The following OTOGL variants were observed in gnomAD, a reference collection of about 807,000 sequenced individuals.
The protein encoded by OTOGL is otogelin-like protein.
A neutral mutation model predicts 318.5 loss-of-function variants in OTOGL; 285 were observed. The observed-to-expected ratio is 0.89, with a 90% CI of 0.81 to 0.99. The LOEUF is 0.99. Among genes scored for constraint, OTOGL ranks in the 50% least tolerant of loss-of-function variants. OTOGL has a pLI of 0.00. For missense variants in OTOGL, 2,899 were observed against 2,845.6 expected, an observed-to-expected ratio of 1.02 and a Z score of -0.43; for synonymous variants, 987 against 936.5, an observed-to-expected ratio of 1.05 and a Z score of -0.99.
At chr12:80,300,509 CT>C (rs1885689069) in intron 27 of OTOGL, among the ~76,000 whole-genome samples, 1 of 152,128 alleles carries the variant, frequency 6.6e-6, no homozygotes, top group Non-Finnish European at 1.5e-5. Context: ...TCTCATTGAA[CT>C]TCACTGACAA....
chr12:80,360,671 G>A lies in OTOGL; in HGVS notation c.6267+1771G>A, dbSNP rs145693922. Reference sequence around the variant, plus strand: ...TAATTTTTTGTGTTTTAGTAGAGACGGGGTTTCACCATGTTGGCCAGGATG... The same window carrying A: ...TAATTTTTTGTGTTTTAGTAGAGACAGGGTTTCACCATGTTGGCCAGGATG... On this transcript the variant is annotated intron_variant, in intron 52 of 58. Transcript: ENST00000547103. 9.5e-4 allele frequency among the ~76,000 whole-genome samples: 144 copies of A among 151,748 alleles called. 1 individual carries two copies. In the East Asian group the frequency reaches 0.012, roughly 12 times the overall value.
At position 80,151,395 on chromosome 12, in the gene OTOGL, G is replaced by T. The variant is rs538259947; in HGVS notation, c.-20+51790G>T. Among the ~76,000 whole-genome samples, 3 of 152,040 alleles carry T rather than the reference G, an allele frequency of 2.0e-5. No homozygotes were observed. The East Asian group carries it at 5.8e-4, about 29-fold the overall frequency. ...TAAAGTACTTTTCACTCCATTACCT[G>T]CTTCTTTCTTTCTTAGCACTTAAAA... On this transcript the variant is annotated intron_variant, in intron 1 of 58. Coordinates refer to ENST00000547103, the MANE Select transcript of OTOGL (RefSeq NM_001378609.3).
intron 1 of OTOGL, chr12:80,208,301 A>G (rs1592547510): frequency 6.3e-6 from 3 of 478,136 alleles, no homozygotes; most frequent in Non-Finnish European, 1.3e-5. Flanking sequence ...GGACCATGTA[A>G]CATTAGTTAG....
At position 80,108,801 on chromosome 12, in the gene OTOGL, GTATA is replaced by G. The variant is rs201382053; in HGVS notation, c.-20+9204_-20+9207del. On this transcript the variant is annotated intron_variant, in intron 1 of 58. Transcript: ENST00000547103. ...TATATATATATGTATATATATATAT[GTATA>G]TATATATGTGTATATATATGTATAT... 6.1e-5 allele frequency among the ~76,000 whole-genome samples: 8 copies of G among 130,266 alleles called. 1 individual carries two copies. The highest frequency in any genetic ancestry group is 4.7e-4 in the South Asian group (2 of 4,248). The allele number at this position is 130,266 out of a possible 152,430, so 85.5% of individuals were successfully genotyped here. A position where few individuals can be genotyped will look rare whatever the true frequency, so the allele number is the denominator to read the frequency against.
chr12:80,163,532 G>C (rs1054016888), intron 1 of OTOGL, among the ~76,000 whole-genome samples: 1 of 151,664 alleles, frequency 6.6e-6, no homozygotes, highest in Non-Finnish European at 1.5e-5. Flanking sequence ...GAGGCACTTT[G>C]AAATCAGAGT....
rs1890074094 is a variant in OTOGL, at chr12:80,358,871, GA to G, written c.6242del (p.Asn2081ThrfsTer15). 1 of 1,516,688 alleles carries G rather than the reference GA, an allele frequency of 6.6e-7. No homozygotes were observed. The highest frequency in any genetic ancestry group is 8.9e-7 in the Non-Finnish European group (1 of 1,127,310). 94.0% of individuals were successfully genotyped at this position (1,516,688 alleles called of 1,614,324 possible). ...CPTWHCECNC[E>X]NLIMPTCEVG... Reference sequence around the variant, plus strand: ...TTTTTGCCTTTTAGAATGTAACTGTGAAAACCTTATTATGCCAACTTGTGAA... The same window carrying G: ...TTTTTGCCTTTTAGAATGTAACTGTGAAACCTTATTATGCCAACTTGTGAA... On this transcript the variant is annotated frameshift_variant, in exon 52 of 59. Transcript: ENST00000547103. LOFTEE classifies it high-confidence loss of function.
intron 18 of OTOGL, among the ~76,000 whole-genome samples, chr12:80,261,641 G>A (rs1001776079): frequency 6.6e-6 from 1 of 152,034 alleles, no homozygotes; most frequent in Non-Finnish European, 1.5e-5. Context: ...GTGAATCGTG[G>A]CTTTGATACT....
intron 58 of OTOGL, 22 bp downstream of exon 58, chr12:80,377,224 GCTACA>G: frequency 6.4e-7 from 1 of 1,553,818 alleles, no homozygotes; most frequent in Non-Finnish European, 8.8e-7. Flanking sequence ...AATGTCATTT[GCTACA>G]TAAATGCACA....
Position 80,356,850 on chromosome 12 carries a change from C to A in OTOGL, c.5955C>A (p.Cys1985Ter). Residue 1985 changes from cysteine to a stop codon, truncating the protein, a stop_gained, in exon 49 of 59, where the codon TGC (cysteine) becomes TGA (stop). Transcript: ENST00000547103. LOFTEE classifies it high-confidence loss of function. ...LKCPSISTPE[C>*]REDQFMIQVR... is the part of the protein sequence containing the mutation. ...GCCCCAGTATTTCAACACCAGAATG[C>A]AGAGAAGATCAATTCATGATTCAAG... is the stretch of plus-strand genomic sequence containing the variant. The A allele has an allele frequency of 6.3e-7, 1 of 1,597,790 alleles. No individual in the cohort carries two copies. Among genetic ancestry groups the A allele is most frequent in the Non-Finnish European group, 8.5e-7 (1 of 1,172,272 alleles).
chr12:80,366,231 T>C (rs1262588459), intron 52 of OTOGL: 1 of 414,652 alleles, frequency 2.4e-6, no homozygotes, highest in South Asian at 1.7e-5. Flanking sequence ...TTAACCACTG[T>C]ACTATACTCA....
In OTOGL at chr12:80,294,121, A is replaced by T. The variant is rs111392352; in HGVS notation, c.2929-2706A>T. ...ACCTTTTTCCTCCAGCTTTGTTGTC[A>T]TTATTACTATGTTGCTTAACAACTC... is the stretch of plus-strand genomic sequence containing the variant. On this transcript the variant is annotated intron_variant, in intron 26 of 58. Transcript: ENST00000547103. 2.3e-3 allele frequency among the ~76,000 whole-genome samples: 345 copies of T among 152,216 alleles called. 4 individuals are homozygous for T. Among genetic ancestry groups the T allele is most frequent in the African/African-American group, 7.8e-3 (322 of 41,522 alleles).
intron 29 of OTOGL, among the ~76,000 whole-genome samples, chr12:80,308,036 C>A (rs1423351235): frequency 7.1e-6 from 1 of 141,006 alleles, no homozygotes; most frequent in Non-Finnish European, 1.5e-5. Context: ...GGCGGCTGGC[C>A]GCGCGGGGGG....
intron 1 of OTOGL, among the ~76,000 whole-genome samples, chr12:80,165,820 C>T (rs1873794410): frequency 6.6e-6 from 1 of 152,192 alleles, no homozygotes; most frequent in Admixed American, 6.5e-5. Context: ...GTTGCCAGTC[C>T]TGAGGTGCTT....
In OTOGL at chr12:80,296,909, T is replaced by A; in HGVS notation, c.3011T>A (p.Leu1004Ter). ...DNDIVCSKSVLISVGDTEIYL... is the reference protein window; with the variant it reads ...DNDIVCSKSV ...GATATTGTTTGTTCTAAAAGTGTTTTGATTTCAGTTGGGGACACTGAAATT... is the reference window on the plus strand; with the variant it reads ...GATATTGTTTGTTCTAAAAGTGTTTAGATTTCAGTTGGGGACACTGAAATT... The change falls in exon 27 of 59, where the codon TTG becomes TAG. Residue 1004 changes from leucine to a stop codon, truncating the protein, a stop_gained. Coordinates refer to ENST00000547103, the MANE Select transcript of OTOGL (RefSeq NM_001378609.3). LOFTEE classifies it high-confidence loss of function. 2 of 1,546,424 alleles carry A rather than the reference T, an allele frequency of 1.3e-6. No individual in the cohort carries two copies. The highest frequency in any genetic ancestry group is 1.7e-6 in the Non-Finnish European group (2 of 1,148,718).
intron 1 of OTOGL, among the ~76,000 whole-genome samples, chr12:80,116,561 C>G (rs1300678986): frequency 2.0e-5 from 3 of 152,136 alleles, no homozygotes; most frequent in Non-Finnish European, 4.4e-5. Flanking sequence ...CAATTTACAA[C>G]CAACCTTTGT....
chr12:80,128,863 T>A (rs1216713110), intron 1 of OTOGL, among the ~76,000 whole-genome samples: 1 of 152,206 alleles, frequency 6.6e-6, no homozygotes, highest in Non-Finnish European at 1.5e-5. Flanking sequence ...AATCTCCTGG[T>A]GTGCCGTTTG....
chr12:80,310,034 C>G (rs972968363), intron 29 of OTOGL, among the ~76,000 whole-genome samples: 1 of 152,058 alleles, frequency 6.6e-6, no homozygotes, highest in African/African-American at 2.4e-5. Flanking sequence ...AATTGTGTCA[C>G]CAAAACCAAA....
rs370221618 is a variant in OTOGL, at chr12:80,353,359, C to T, written c.5442C>T (p.Pro1814=). ...GCCCAGAGGGGAAGGAATATCAACC[C>T]TGTGTGCGACCTTGTGAAGCAAGAA... ...LSCPEGKEYQ[P]CVRPCEARTC... The change falls in exon 46 of 59, where the codon CCC becomes CCT. Residue 1814 remains proline (P), a synonymous_variant. Coordinates refer to ENST00000547103, the MANE Select transcript of OTOGL (RefSeq NM_001378609.3). 4.0e-5 allele frequency: 63 copies of T among 1,594,616 alleles called. No individual in the cohort carries two copies. Among genetic ancestry groups the T allele is most frequent in the Non-Finnish European group, 4.9e-5 (57 of 1,170,264 alleles).
intron 1 of OTOGL, among the ~76,000 whole-genome samples, chr12:80,153,381 C>G (rs1417237444): frequency 2.0e-5 from 3 of 152,140 alleles, no homozygotes; most frequent in Non-Finnish European, 4.4e-5. Flanking sequence ...CTCAAAGGCT[C>G]CACCTCCTGA....
Sources: allele counts gnomAD v4.1 joint callset (sites outside exome capture counted in the v4.1 genomes callset), GRCh38; gene constraint gnomAD v4.1.1; transcripts MANE v1.5; gene names NCBI Gene and HGNC (gene_info 2026-07-23, HGNC 2026-07-21).